PARD3B: variants seen among roughly 807,000 people sequenced by gnomAD.
PARD3B encodes partitioning defective 3 homolog B.
In PARD3B, 103 loss-of-function variants were observed where a neutral mutation model predicts 130.2. The observed-to-expected ratio is 0.79, with a 90% CI of 0.67 to 0.93. The LOEUF (loss-of-function observed/expected upper bound fraction) is 0.93. PARD3B is among the 40% of genes least tolerant of loss of function. The probability of loss-of-function intolerance (pLI) is 0.00; values close to 1 mark genes in which losing one functional copy is unlikely to be tolerated. For missense variants in PARD3B, 1,609 were observed against 1,499.2 expected (o/e 1.07, Z -1.21); for synonymous variants, 583 against 553.2 (o/e 1.05, Z -0.76).
At chr2:205,043,702 C>G (rs533636075) in intron 3 of PARD3B, among the ~76,000 whole-genome samples, 2 of 152,240 alleles carry the variant, frequency 1.3e-5, no homozygotes, top group Non-Finnish European at 2.9e-5. Flanking sequence ...GACTTCTACT[C>G]TACCATATAT....
At chr2:205,178,495 G>A (rs1218599876) in intron 13 of PARD3B, among the ~76,000 whole-genome samples, 1 of 152,104 alleles carries the variant, frequency 6.6e-6, no homozygotes, top group African/African-American at 2.4e-5. Flanking sequence ...GAACAAGATT[G>A]CCTTCTGAAA....
At chr2:204,608,574 C>T (rs1417943170) in intron 1 of PARD3B, among the ~76,000 whole-genome samples, 3 of 152,182 alleles carry the variant, frequency 2.0e-5, no homozygotes, top group Non-Finnish European at 4.4e-5. Context: ...GTCCTGAAAG[C>T]ATAAACTCTT....
intron 1 of PARD3B, among the ~76,000 whole-genome samples, chr2:204,616,218 G>A (rs1470191211): frequency 6.6e-6 from 1 of 152,150 alleles, no homozygotes; most frequent in Admixed American, 6.6e-5. Context: ...TTTGCAAAAG[G>A]CACCTGATAA....
chr2:205,066,237 C>T (rs369644694), intron 4 of PARD3B, among the ~76,000 whole-genome samples: 14 of 152,110 alleles, frequency 9.2e-5, no homozygotes, highest in East Asian at 7.7e-4. Context: ...CAGAACAACC[C>T]ACCCTTTTAG....
intron 3 of PARD3B, among the ~76,000 whole-genome samples, chr2:205,007,555 C>G (rs746284830): frequency 1.3e-5 from 2 of 152,156 alleles, no homozygotes; most frequent in Non-Finnish European, 2.9e-5. Context: ...TTTTATACCA[C>G]TACCGTGCTG....
chr2:205,024,231 G>A lies in PARD3B; in HGVS notation c.395-23350G>A, dbSNP rs190020854. On this transcript the variant is annotated intron_variant, in intron 3 of 22. Coordinates refer to ENST00000406610, the MANE Select transcript of PARD3B (RefSeq NM_001302769.2). ...CGCCCAGGCTGGAGTGCAGTGGCGC[G>A]TTCTTGGCTCTCTGCAACCTCTGCC... Among the ~76,000 whole-genome samples the A allele has an allele frequency of 4.5e-3, 640 of 143,442 alleles. 5 individuals are homozygous for A. The highest frequency in any genetic ancestry group is 0.014 in the South Asian group (62 of 4,374). 94.1% of individuals were successfully genotyped at this position (143,442 alleles called of 152,430 possible).
rs1389694685 is a variant in PARD3B, at chr2:205,615,528, C to A, written c.3333C>A (p.Pro1111=). The change falls in exon 23 of 23, where the codon CCC becomes CCA. Residue 1111 remains proline (P), a synonymous_variant. Transcript: ENST00000406610. Reference sequence around the variant, plus strand: ...GGCTCTACAAGGAAAGGGAGCTTCCCTATTATCCAGGGGCTCATCCTATGC... The same window carrying A: ...GGCTCTACAAGGAAAGGGAGCTTCCATATTATCCAGGGGCTCATCCTATGC... ...PRGLYKEREL[P]YYPGAHPMHP... The A allele has an allele frequency of 6.2e-7, 1 of 1,614,106 alleles. No homozygotes were observed. The highest frequency in any genetic ancestry group is 8.5e-7 in the Non-Finnish European group (1 of 1,179,974).
At chr2:205,107,221 T>C (rs1703290282) in intron 5 of PARD3B, among the ~76,000 whole-genome samples, 1 of 152,232 alleles carries the variant, frequency 6.6e-6, no homozygotes, top group Non-Finnish European at 1.5e-5. Context: ...CTTATTCTAA[T>C]TGATCCCACA....
rs2041128315 is a variant in PARD3B, at chr2:205,280,068, A to G, written c.2186-20462A>G. Reference sequence around the variant, plus strand: ...AACCATAAGCTATTAGAGAAGGGTAAAAGAGTCTCTTTGTGTTAGGATTTC... The same window carrying G: ...AACCATAAGCTATTAGAGAAGGGTAGAAGAGTCTCTTTGTGTTAGGATTTC... On this transcript the variant is annotated intron_variant, in intron 16 of 22. Transcript: ENST00000406610. The surrounding 1 kb of genome is among the most constrained non-coding windows in gnomAD (Gnocchi z 4.7). Among the ~76,000 whole-genome samples the G allele has an allele frequency of 1.3e-5, 2 of 152,324 alleles. No individual in the cohort carries two copies. The highest frequency in any genetic ancestry group is 2.1e-4 in the South Asian group (1 of 4,828).
chr2:205,043,030 C>T (rs975243922), intron 3 of PARD3B, among the ~76,000 whole-genome samples: 2 of 151,478 alleles, frequency 1.3e-5, no homozygotes, highest in African/African-American at 2.4e-5. Flanking sequence ...GGGTTTTTGC[C>T]TCTAAATTCC....
intron 2 of PARD3B, among the ~76,000 whole-genome samples, chr2:204,875,330 G>A (rs1266489251): frequency 2.0e-5 from 3 of 151,992 alleles, no homozygotes; most frequent in South Asian, 2.1e-4. Flanking sequence ...CAGCTCTCTC[G>A]GCTTTATATC....
intron 1 of PARD3B, among the ~76,000 whole-genome samples, chr2:204,656,204 T>C (rs528855038): frequency 1.3e-5 from 2 of 151,818 alleles, no homozygotes; most frequent in African/African-American, 4.8e-5. Flanking sequence ...TGCTGCAGAG[T>C]TGCATGGCAA....
At chr2:205,254,323 G>A (rs928819882) in intron 16 of PARD3B, among the ~76,000 whole-genome samples, 7 of 151,922 alleles carry the variant, frequency 4.6e-5, no homozygotes, top group Non-Finnish European at 2.9e-5. Flanking sequence ...ACTCAACCTG[G>A]AAAATCTGAA....
At chr2:205,308,116 A>G (rs1025115157) in intron 18 of PARD3B, among the ~76,000 whole-genome samples, 10 of 152,182 alleles carry the variant, frequency 6.6e-5, no homozygotes, top group Non-Finnish European at 1.2e-4. Flanking sequence ...ATTCATAATT[A>G]TTTTTATGCT....
intron 3 of PARD3B, among the ~76,000 whole-genome samples, chr2:205,029,790 G>A (rs951694202): frequency 6.6e-6 from 1 of 152,064 alleles, no homozygotes; most frequent in African/African-American, 2.4e-5. Flanking sequence ...TGTTAAACAG[G>A]ACATAAAACT....
At position 205,407,397 on chromosome 2, in the gene PARD3B, G is replaced by A. The variant is rs1454921012; in HGVS notation, c.2741+6274G>A. Among the ~76,000 whole-genome samples the A allele has an allele frequency of 1.3e-5, 2 of 152,172 alleles. No individual in the cohort carries two copies. Among genetic ancestry groups the A allele is most frequent in the Non-Finnish European group, 2.9e-5 (2 of 68,018 alleles). ...ATATGAACCCAGTGTTATATTCAAAGATGATTTCTTCCAACATTTTTCAAA... is the reference window on the plus strand; with the variant it reads ...ATATGAACCCAGTGTTATATTCAAAAATGATTTCTTCCAACATTTTTCAAA... On this transcript the variant is annotated intron_variant, in intron 19 of 22. Coordinates refer to ENST00000406610, the MANE Select transcript of PARD3B (RefSeq NM_001302769.2). The surrounding 1 kb of genome is among the most constrained non-coding windows in gnomAD (Gnocchi z 4.1).
chr2:205,596,605 G>C (rs1301779459), intron 22 of PARD3B, among the ~76,000 whole-genome samples: 2 of 152,198 alleles, frequency 1.3e-5, no homozygotes, highest in Non-Finnish European at 2.9e-5. Context: ...AATTAATAGA[G>C]AGAAGCCAAA....
intron 1 of PARD3B, among the ~76,000 whole-genome samples, chr2:204,562,231 G>A (rs548006137): frequency 6.6e-6 from 1 of 152,218 alleles, no homozygotes; most frequent in African/African-American, 2.4e-5. Context: ...AGGGCCCATA[G>A]TAAAAAAACC....
chr2:205,404,078 TAACTC>T (rs996967479), intron 19 of PARD3B, among the ~76,000 whole-genome samples: 27 of 152,308 alleles, frequency 1.8e-4, no homozygotes, highest in African/African-American at 5.8e-4. Context: ...AAACCATACA[TAACTC>T]TACCATAATC....
Sources: gnomAD v4.1 joint callset for allele counts (sites outside exome capture counted in the v4.1 genomes callset) on GRCh38, gnomAD v4.1.1 for gene constraint, Gnocchi (gnomAD v3.1) non-coding constraint, MANE v1.5 for transcripts, NCBI Gene and HGNC (gene_info 2026-07-23, HGNC 2026-07-21) for gene names.